Variants in UVRAG observed in about 807,000 individuals in gnomAD.
UVRAG encodes UV radiation resistance-associated gene protein.
Under a neutral mutation model 78.0 loss-of-function variants are expected in UVRAG, and 19 were observed. The ratio of observed to expected loss-of-function variants is 0.24; its 90% confidence interval spans 0.17 to 0.36. UVRAG has a LOEUF of 0.36. Among genes scored for constraint, UVRAG ranks in the 10% least tolerant of loss-of-function variants. UVRAG has a pLI of 1.00. For missense variants in UVRAG, 740 were observed against 853.8 expected, an observed-to-expected ratio of 0.87 and a Z score of 1.66; for synonymous variants, 323 against 324.6, an observed-to-expected ratio of 1.00 and a Z score of 0.05.
At chr11:75,849,625 T>C (rs754424509) in intron 1 of UVRAG, among the ~76,000 whole-genome samples, 5 of 152,228 alleles carry the variant, frequency 3.3e-5, no homozygotes, top group Non-Finnish European at 7.3e-5. Flanking sequence ...TAATAAATGC[T>C]GACAGTACAG....
chr11:75,968,492 A>C (rs1330875545), intron 7 of UVRAG, among the ~76,000 whole-genome samples: 1 of 152,202 alleles, frequency 6.6e-6, no homozygotes, highest in Non-Finnish European at 1.5e-5. Flanking sequence ...TGGAGCCAAC[A>C]ATTCTGGTTT....
chr11:75,815,536 C>A lies in UVRAG; in HGVS notation c.117+12C>A, dbSNP rs1396497815. 8.1e-6 allele frequency: 10 copies of A among 1,229,312 alleles called. No homozygotes were observed. The highest frequency in any genetic ancestry group is 1.0e-5 in the Non-Finnish European group (10 of 984,446). The allele number at this position is 1,229,312 out of a possible 1,614,324, so 76.2% of individuals were successfully genotyped here. A position where few individuals can be genotyped will look rare whatever the true frequency, so the allele number is the denominator to read the frequency against. On this transcript the variant is annotated intron_variant, in intron 1 of 14. Coordinates refer to ENST00000356136, the MANE Select transcript of UVRAG (RefSeq NM_003369.4). The stretch of plus-strand genomic sequence containing the variant: ...TGCCGTCTCAGCAGGTAAGCCCGCG[C>A]GGCTCGCAGCACTCGGGAGGGACCC...
chr11:76,033,858 C>T (rs1324093420), intron 12 of UVRAG, among the ~76,000 whole-genome samples: 1 of 152,056 alleles, frequency 6.6e-6, no homozygotes, highest in African/African-American at 2.4e-5. Flanking sequence ...TTAGTGAGCA[C>T]ATAGAGGAAG....
chr11:76,033,900 C>T (rs976094029), intron 12 of UVRAG, among the ~76,000 whole-genome samples: 2 of 152,092 alleles, frequency 1.3e-5, no homozygotes, highest in African/African-American at 4.8e-5. Context: ...GTGAGAGTTT[C>T]AGTTCATTTG....
intron 1 of UVRAG, among the ~76,000 whole-genome samples, chr11:75,829,927 C>T (rs1483790912): frequency 2.0e-5 from 3 of 152,216 alleles, no homozygotes; most frequent in Non-Finnish European, 4.4e-5. Context: ...GCAGCCTCCA[C>T]CTGCTGGGTT....
intron 13 of UVRAG, among the ~76,000 whole-genome samples, chr11:76,081,589 T>C (rs934900067): frequency 1.3e-5 from 2 of 152,130 alleles, no homozygotes; most frequent in African/African-American, 4.8e-5. Flanking sequence ...CATTTCCTTC[T>C]AACAGTAATA....
intron 8 of UVRAG, among the ~76,000 whole-genome samples, chr11:75,990,169 T>G (rs564529857): frequency 3.9e-5 from 6 of 152,220 alleles, no homozygotes; most frequent in Non-Finnish European, 8.8e-5. Flanking sequence ...TAAATGTGAT[T>G]TTTCTTCATT....
At chr11:75,973,116 C>T (rs1319351300) in intron 7 of UVRAG, among the ~76,000 whole-genome samples, 1 of 152,158 alleles carries the variant, frequency 6.6e-6, no homozygotes, top group Non-Finnish European at 1.5e-5. Context: ...GTCATGTTCT[C>T]AAACTTAGGG....
rs1396633814 is a variant in UVRAG at position 76,144,090 on chromosome 11, G to A, written c.*2677G>A. On this transcript the variant is annotated 3_prime_UTR_variant, in exon 15 of 15. Coordinates refer to ENST00000356136, the MANE Select transcript of UVRAG (RefSeq NM_003369.4). ...TATATATTTTTTAGCAGTTCTAATG[G>A]TGCCCATTTATCCTGACCTAACCAG... 1.3e-5 allele frequency among the ~76,000 whole-genome samples: 2 copies of A among 152,018 alleles called. No individual in the cohort carries two copies. Among genetic ancestry groups the A allele is most frequent in the African/African-American group, 4.8e-5 (2 of 41,388 alleles).
At chr11:75,849,037 G>A (rs1946095281) in intron 1 of UVRAG, among the ~76,000 whole-genome samples, 1 of 152,172 alleles carries the variant, frequency 6.6e-6, no homozygotes, top group Non-Finnish European at 1.5e-5. Flanking sequence ...AATTAGCCAA[G>A]TGTGGTGGCA....
At chr11:76,079,917 A>G (rs1325254183) in intron 13 of UVRAG, among the ~76,000 whole-genome samples, 2 of 152,212 alleles carry the variant, frequency 1.3e-5, no homozygotes, top group Non-Finnish European at 2.9e-5. Flanking sequence ...ACAGAATATC[A>G]TGGACTAGGT....
chr11:76,097,730 A>G (rs1951810149), intron 13 of UVRAG, among the ~76,000 whole-genome samples: 1 of 152,152 alleles, frequency 6.6e-6, no homozygotes, highest in Admixed American at 6.5e-5. Flanking sequence ...TTGGGCCTAT[A>G]CAAGACTGAA....
intron 1 of UVRAG, among the ~76,000 whole-genome samples, chr11:75,847,034 A>G (rs1274827848): frequency 6.6e-6 from 1 of 151,196 alleles, no homozygotes; most frequent in African/African-American, 2.4e-5. Flanking sequence ...CATGTTAGCC[A>G]GGCTACTCTC....
intron 5 of UVRAG, among the ~76,000 whole-genome samples, chr11:75,896,354 G>A (rs1412254101): frequency 6.6e-6 from 1 of 152,150 alleles, no homozygotes; most frequent in African/African-American, 2.4e-5. Context: ...CCCTATTCAG[G>A]ATTTTGCCTT....
intron 11 of UVRAG, among the ~76,000 whole-genome samples, chr11:76,012,482 T>C (rs1175232937): frequency 2.0e-5 from 3 of 152,176 alleles, no homozygotes; most frequent in Non-Finnish European, 2.9e-5. Context: ...CTTTGAATAA[T>C]AACCTCTTTA....
At chr11:75,848,458 C>G (rs545486970) in intron 1 of UVRAG, among the ~76,000 whole-genome samples, 1 of 152,304 alleles carries the variant, frequency 6.6e-6, no homozygotes, top group East Asian at 1.9e-4. Context: ...ATGGATTACA[C>G]TGGTAATCAC....
intron 1 of UVRAG, among the ~76,000 whole-genome samples, chr11:75,843,693 T>A (rs1945965829): frequency 6.6e-6 from 1 of 152,184 alleles, no homozygotes. Context: ...GCTCAGTGGC[T>A]CATGCCTGTA....
chr11:75,940,164 C>T (rs1948456420), intron 6 of UVRAG, among the ~76,000 whole-genome samples: 1 of 152,104 alleles, frequency 6.6e-6, no homozygotes, highest in Non-Finnish European at 1.5e-5. Context: ...AAGAAGGGAA[C>T]TGGAAATTAA....
chr11:76,100,563 C>T (rs1386722015), intron 13 of UVRAG, among the ~76,000 whole-genome samples: 2 of 152,068 alleles, frequency 1.3e-5, no homozygotes, highest in Admixed American at 1.3e-4. Flanking sequence ...AATTAGTTTT[C>T]TGTGCTTTAT....
Sources: allele counts gnomAD v4.1 joint callset (sites outside exome capture counted in the v4.1 genomes callset), GRCh38; gene constraint gnomAD v4.1.1; transcripts MANE v1.5; gene names NCBI Gene and HGNC (gene_info 2026-07-23, HGNC 2026-07-21).